ANKRD16: variants seen among roughly 807,000 people sequenced by gnomAD.
ANKRD16 encodes the protein ankyrin repeat domain-containing protein 16.
Under a neutral mutation model 37.9 loss-of-function variants are expected in ANKRD16, and 35 were observed. The ratio of observed to expected loss-of-function variants is 0.92; its 90% CI spans 0.71 to 1.23. ANKRD16 has a LOEUF of 1.23. Among genes scored for constraint, ANKRD16 ranks in the 50% most tolerant of loss-of-function variants. The probability of loss-of-function intolerance (pLI) is 0.00; values close to 1 mark genes in which losing one functional copy is unlikely to be tolerated. For missense variants in ANKRD16, 480 were observed against 469.9 expected, an observed-to-expected ratio of 1.02 and a Z score of -0.20; for synonymous variants, 206 against 197.2, an observed-to-expected ratio of 1.04 and a Z score of -0.37.
intron 2 of ANKRD16, among the ~76,000 whole-genome samples, chr10:5,887,622 G>A (rs1430829401): frequency 2.6e-5 from 4 of 152,036 alleles, no homozygotes; most frequent in Non-Finnish European, 5.9e-5. Flanking sequence ...GACCTCAGGT[G>A]ATCCACCCGC....
chr10:5,882,767 A>G, intron 5 of ANKRD16: 1 of 345,370 alleles, frequency 2.9e-6, no homozygotes. Context: ...CCTGTGTGTG[A>G]GGGGGAGGCA....
In ANKRD16 at chr10:5,862,309, T is replaced by C; in HGVS notation, c.*416A>G. Reference sequence around the variant, plus strand: ...TCAGAAGTGGTGCTACCACTGTGTTTCATGTTTTTGTGTTTCTTTCTTTCT... The same window carrying C: ...TCAGAAGTGGTGCTACCACTGTGTTCCATGTTTTTGTGTTTCTTTCTTTCT... On this transcript the variant is annotated 3_prime_UTR_variant, in exon 8 of 8. Coordinates refer to ENST00000380094, the MANE Select transcript of ANKRD16 (RefSeq NM_019046.3). The surrounding 1 kb of genome is among the most constrained non-coding windows in gnomAD (Gnocchi z 6.5). 2.5e-6 allele frequency: 1 copy of C among 399,898 alleles called. No individual in the cohort carries two copies. Among genetic ancestry groups the C allele is most frequent in the Non-Finnish European group, 4.8e-6 (1 of 206,620 alleles). The allele number at this position is 399,898 out of a possible 1,614,324, so 24.8% of individuals were successfully genotyped here.
Position 5,889,094 on chromosome 10 carries a change from C to A in ANKRD16, c.261G>T (p.Val87=). The A allele has an allele frequency of 6.3e-7, 1 of 1,585,822 alleles. No individual in the cohort carries two copies. The highest frequency in any genetic ancestry group is 8.5e-7 in the Non-Finnish European group (1 of 1,172,966). Residue 87 remains valine (V), a synonymous_variant, in exon 1 of 8, where the codon GTG becomes GTT. Transcript: ENST00000380094. ...CTGCCCCCCGGCCCAGCAGGTAGCG[C>A]ACGCAGTCTCGGTGGCCCATGGAGG... ...EAASMGHRDC[V]RYLLGRGAAV... is the part of the protein sequence containing the mutation.
Position 5,870,922 on chromosome 10 carries a change from G to A in ANKRD16, c.*33+7175C>T, listed in dbSNP as rs1383625559. 3.3e-5 allele frequency among the ~76,000 whole-genome samples: 5 copies of A among 152,186 alleles called. No homozygotes were observed. Among genetic ancestry groups the A allele is most frequent in the African/African-American group, 2.4e-5 (1 of 41,448 alleles). On this transcript the variant is annotated intron_variant, in intron 7 of 7. Transcript: ENST00000380094. The surrounding 1 kb of genome is among the most constrained non-coding windows in gnomAD (Gnocchi z 5.0). ...CCACTCCCCGTGCTTTCCCAGGAGCGCCCAGGCCTGTCCTCAGTATCAAGT... is the reference window on the plus strand; with the variant it reads ...CCACTCCCCGTGCTTTCCCAGGAGCACCCAGGCCTGTCCTCAGTATCAAGT...
In ANKRD16 at chr10:5,885,732, A is replaced by G. The variant is rs756004947; in HGVS notation, c.569T>C (p.Leu190Pro). ...MHGHLEAVKV[L>P]LKRCQYEPDY... ...GCTGTATTGTTCTTACCTCTTAAGA[A>G]GCACCTTGACTGCCTCCAAATGGCC... Residue 190 changes from leucine to proline, a missense_variant, in exon 3 of 8, where the codon CTT becomes CCT. Physicochemically the swap from Leu to Pro is moderately conservative, Grantham distance 98 (BLOSUM62 -3). Coordinates refer to ENST00000380094, the MANE Select transcript of ANKRD16 (RefSeq NM_019046.3). 1.2e-6 allele frequency: 2 copies of G among 1,610,760 alleles called. No homozygotes were observed. Among genetic ancestry groups the G allele is most frequent in the Non-Finnish European group, 1.7e-6 (2 of 1,179,182 alleles).
Position 5,871,229 on chromosome 10 carries a change from A to G in ANKRD16, c.*33+6868T>C, listed in dbSNP as rs904852799. 2.6e-5 allele frequency among the ~76,000 whole-genome samples: 4 copies of G among 152,082 alleles called. No individual in the cohort carries two copies. The highest frequency in any genetic ancestry group is 4.8e-5 in the African/African-American group (2 of 41,400). ...TGGAGAAACCCTGTCTCTACTAAAA[A>G]TAGAAAAATTAGCCAGGTGTGGAGG... On this transcript the variant is annotated intron_variant, in intron 7 of 7. Transcript: ENST00000380094. This position sits in a 1 kb window ranked among gnomAD's most constrained non-coding sequence, Gnocchi z 4.5.
At chr10:5,867,168 G>A (rs1478672627) in intron 7 of ANKRD16, among the ~76,000 whole-genome samples, 1 of 152,212 alleles carries the variant, frequency 6.6e-6, no homozygotes, top group Non-Finnish European at 1.5e-5. Context: ...AAAGTACTGA[G>A]GCCACTGACA....
rs1426668309 is a variant in ANKRD16, at chr10:5,866,359, T to C, written c.*34-3668A>G. Reference sequence around the variant, plus strand: ...AATCTATATACTGATGAAAGTTCATTTGTGGTGGAGAATTGGATACGAAGG... The same window carrying C: ...AATCTATATACTGATGAAAGTTCATCTGTGGTGGAGAATTGGATACGAAGG... On this transcript the variant is annotated intron_variant, in intron 7 of 7. Coordinates refer to ENST00000380094, the MANE Select transcript of ANKRD16 (RefSeq NM_019046.3). This position sits in a 1 kb window ranked among gnomAD's most constrained non-coding sequence, Gnocchi z 4.3. Among the ~76,000 whole-genome samples the C allele has an allele frequency of 6.6e-6, 1 of 152,144 alleles. No homozygotes were observed. Among genetic ancestry groups the C allele is most frequent in the Non-Finnish European group, 1.5e-5 (1 of 68,016 alleles).
chr10:5,877,960 C>G, intron 7 of ANKRD16, 137 bp downstream of exon 7: 3 of 908,940 alleles, frequency 3.3e-6, no homozygotes, highest in Non-Finnish European at 5.0e-6. Flanking sequence ...GAACTCAGCC[C>G]CCTGATCACT....
At chr10:5,872,064 G>A (rs779742409) in intron 7 of ANKRD16, among the ~76,000 whole-genome samples, 2 of 152,032 alleles carry the variant, frequency 1.3e-5, no homozygotes, top group East Asian at 1.9e-4. Flanking sequence ...TTAAAAAAAC[G>A]GAAACCAATG....
chr10:5,888,209 T>C, intron 1 of ANKRD16, 142 bp from the exon 2 acceptor site: 3 of 720,306 alleles, frequency 4.2e-6, no homozygotes, highest in Middle Eastern at 3.8e-4. Flanking sequence ...AAAACAGCTT[T>C]GACCGGCAAC....
Position 5,864,543 on chromosome 10 carries a change from A to T in ANKRD16, c.*34-1852T>A, listed in dbSNP as rs989514132. Among the ~76,000 whole-genome samples the T allele has an allele frequency of 2.6e-5, 4 of 152,194 alleles. No individual in the cohort carries two copies. Among genetic ancestry groups the T allele is most frequent in the African/African-American group, 9.7e-5 (4 of 41,424 alleles). On this transcript the variant is annotated intron_variant, in intron 7 of 7. Transcript: ENST00000380094. This position sits in a 1 kb window ranked among gnomAD's most constrained non-coding sequence, Gnocchi z 4.4. Reference sequence around the variant, plus strand: ...CTTCAATCTCACCTGGAGAGATGTCATGCTATTGCTAGATCACACCCTGGC... The same window carrying T: ...CTTCAATCTCACCTGGAGAGATGTCTTGCTATTGCTAGATCACACCCTGGC...
intron 4 of ANKRD16, 24 bp from the exon 5 acceptor site, chr10:5,883,191 A>G (rs1324345706): frequency 1.2e-6 from 2 of 1,607,898 alleles, no homozygotes; most frequent in East Asian, 4.5e-5. Context: ...GAGAGAAAGG[A>G]GCAAAGGTCA....
chr10:5,889,373 GC>G lies in ANKRD16; in HGVS notation c.-20del. On this transcript the variant is annotated 5_prime_UTR_variant, in exon 1 of 8. Coordinates refer to ENST00000380094, the MANE Select transcript of ANKRD16 (RefSeq NM_019046.3). The stretch of plus-strand genomic sequence containing the variant: ...GGGCCATCGCCGCGGGTCGGGCCGG[GC>G]TGCGCGGGGAGGCGGCGGGCGGGAC... 1 of 1,201,756 alleles carries G rather than the reference GC, an allele frequency of 8.3e-7. No individual in the cohort carries two copies. Among genetic ancestry groups the G allele is most frequent in the East Asian group, 3.5e-5 (1 of 28,180 alleles). The allele number at this position is 1,201,756 out of a possible 1,614,324, so 74.4% of individuals were successfully genotyped here.
At chr10:5,877,979 C>T (rs994659865) in intron 7 of ANKRD16, 118 bp downstream of exon 7, 2 of 1,159,576 alleles carry the variant, frequency 1.7e-6, no homozygotes, top group South Asian at 1.5e-5. Flanking sequence ...CTGGGAACTC[C>T]TCAGCAGGAG....
At position 5,887,855 on chromosome 10, in the gene ANKRD16, T is replaced by C; in HGVS notation, c.527A>G (p.His176Arg). 1.9e-6 allele frequency: 3 copies of C among 1,613,314 alleles called. No individual in the cohort carries two copies. The highest frequency in any genetic ancestry group is 8.5e-7 in the Non-Finnish European group (1 of 1,179,862). Residue 176 changes from histidine (H) to arginine (R), a missense_variant, in exon 2 of 8, where the codon CAT (histidine) becomes CGT (arginine). Physicochemically the swap from His to Arg is conservative, Grantham distance 29 (BLOSUM62 0). Coordinates refer to ENST00000380094, the MANE Select transcript of ANKRD16 (RefSeq NM_019046.3). The stretch of plus-strand genomic sequence containing the variant: ...AGAGCTGTAGGCTGTACCTGCAGTA[T>C]GCAGAGGAGTCCTTCTAATTTTGCT... ...TESKIRRTPL[H>R]TAAMHGHLEA...
intron 4 of ANKRD16, 84 bp downstream of exon 4, chr10:5,883,885 C>T: frequency 1.6e-6 from 2 of 1,215,102 alleles, no homozygotes; most frequent in African/African-American, 1.5e-5. Flanking sequence ...AACCTGGGAT[C>T]TGAGTAACAA....
rs1013060153 is a variant in ANKRD16 at position 5,863,889 on chromosome 10, C to T, written c.*34-1198G>A. Among the ~76,000 whole-genome samples, 8 of 152,078 alleles carry T rather than the reference C, an allele frequency of 5.3e-5. No homozygotes were observed. The highest frequency in any genetic ancestry group is 2.4e-5 in the African/African-American group (1 of 41,362). ...AGAACGCACCAGAAGGAATAAAGTCCGGATACATTTTGGCGACCCAGATGG... is the reference window on the plus strand; with the variant it reads ...AGAACGCACCAGAAGGAATAAAGTCTGGATACATTTTGGCGACCCAGATGG... On this transcript the variant is annotated intron_variant, in intron 7 of 7. Coordinates refer to ENST00000380094, the MANE Select transcript of ANKRD16 (RefSeq NM_019046.3). This position sits in a 1 kb window ranked among gnomAD's most constrained non-coding sequence, Gnocchi z 4.7.
At position 5,864,202 on chromosome 10, in the gene ANKRD16, C is replaced by T. The variant is rs1014847249; in HGVS notation, c.*34-1511G>A. The stretch of plus-strand genomic sequence containing the variant: ...ACAACTATGCAAAGCTTACAACTTA[C>T]ATCCCACAGGAGGACTTCTCAGCTT... On this transcript the variant is annotated intron_variant, in intron 7 of 7. Coordinates refer to ENST00000380094, the MANE Select transcript of ANKRD16 (RefSeq NM_019046.3). The surrounding 1 kb of genome is among the most constrained non-coding windows in gnomAD (Gnocchi z 4.4). Among the ~76,000 whole-genome samples, 4 of 152,130 alleles carry T rather than the reference C, an allele frequency of 2.6e-5. No homozygotes were observed. The highest frequency in any genetic ancestry group is 7.3e-5 in the African/African-American group (3 of 41,374).
Sources: gnomAD v4.1 joint callset for allele counts (sites outside exome capture counted in the v4.1 genomes callset) on GRCh38, gnomAD v4.1.1 for gene constraint, Gnocchi (gnomAD v3.1) non-coding constraint, MANE v1.5 for transcripts, NCBI Gene and HGNC (gene_info 2026-07-23, HGNC 2026-07-21) for gene names.